The following PM20D2 variants were observed in gnomAD, a reference collection of about 807,000 sequenced individuals.
The protein encoded by PM20D2 is xaa-Arg dipeptidase.
In PM20D2, 33 loss-of-function variants were observed where a neutral mutation model predicts 42.9. The observed-to-expected ratio is 0.77, with a 90% confidence interval of 0.58 to 1.03. PM20D2 has a LOEUF of 1.03. PM20D2 is among the 50% of genes least tolerant of loss of function. The pLI, the probability that PM20D2 is intolerant of heterozygous loss-of-function variation, is 0.00. For synonymous variants in PM20D2, 250 were observed against 228.2 expected (o/e 1.10, Z -0.86); for missense variants, 548 against 557.0 (o/e 0.98, Z 0.16).
the PM20D2 span, among the ~76,000 whole-genome samples, chr6:89,116,541 G>A: frequency 6.6e-6 from 1 of 152,092 alleles, no homozygotes; most frequent in Non-Finnish European, 1.5e-5. Context: ...TTGGGAGGCC[G>A]AGCTGGGCGG....
the PM20D2 span, among the ~76,000 whole-genome samples, chr6:89,132,544 A>T: frequency 6.6e-6 from 1 of 151,380 alleles, no homozygotes; most frequent in Non-Finnish European, 1.5e-5. Flanking sequence ...ATTGGAACTA[A>T]GATCAAGAAA....
At chr6:89,120,731 A>T in the PM20D2 span, among the ~76,000 whole-genome samples, 4 of 152,080 alleles carry the variant, frequency 2.6e-5, no homozygotes, top group Admixed American at 2.0e-4. Context: ...AAATTAGCCA[A>T]CCATGGTGGC....
the PM20D2 span, among the ~76,000 whole-genome samples, chr6:89,124,099 G>A: frequency 2.6e-5 from 4 of 152,132 alleles, no homozygotes; most frequent in East Asian, 7.7e-4. Context: ...GTCTGCGCAG[G>A]CTCCAAGCCT....
chr6:89,131,456 G>T, the PM20D2 span, among the ~76,000 whole-genome samples: 2 of 84,940 alleles, frequency 2.4e-5, no homozygotes, highest in African/African-American at 6.4e-5. Context: ...GGGAGACTGA[G>T]GCGGGAAGAT....
At chr6:89,106,982 C>A in the PM20D2 span, 1 of 710,420 alleles carries the variant, frequency 1.4e-6, no homozygotes, top group Admixed American at 2.1e-5. Context: ...CAGGTTGGTT[C>A]AAACTGGGGG....
At chr6:89,159,774 G>A (rs1394212051) in intron 5 of PM20D2, among the ~76,000 whole-genome samples, 1 of 152,178 alleles carries the variant, frequency 6.6e-6, no homozygotes, top group Non-Finnish European at 1.5e-5. Flanking sequence ...GGGATTGAGA[G>A]AGAATTGCCA....
chr6:89,130,812 T>A, the PM20D2 span, among the ~76,000 whole-genome samples: 1 of 98,262 alleles, frequency 1.0e-5, no homozygotes, highest in African/African-American at 3.7e-5. Context: ...GTATCTGGCT[T>A]CTTCTTCTTT....
At chr6:89,148,225 C>A (rs1481832423) in intron 1 of PM20D2, among the ~76,000 whole-genome samples, 1 of 151,948 alleles carries the variant, frequency 6.6e-6, no homozygotes, top group Non-Finnish European at 1.5e-5. Context: ...GTGATTCGCC[C>A]ACCTCGGCCT....
At chr6:89,150,128 T>G (rs1770778281) in intron 2 of PM20D2, among the ~76,000 whole-genome samples, 1 of 152,234 alleles carries the variant, frequency 6.6e-6, no homozygotes, top group Non-Finnish European at 1.5e-5. Context: ...AGCTCGGTAC[T>G]GAGGGAATGA....
intron 4 of PM20D2, among the ~76,000 whole-genome samples, chr6:89,156,225 G>A (rs756684297): frequency 5.3e-5 from 8 of 152,150 alleles, no homozygotes; most frequent in Non-Finnish European, 1.0e-4. Context: ...TTAAAATCAT[G>A]TACTGTGTAA....
At chr6:89,121,084 C>T in the PM20D2 span, among the ~76,000 whole-genome samples, 1 of 151,802 alleles carries the variant, frequency 6.6e-6, no homozygotes. Flanking sequence ...GTAGGAGTAT[C>T]CAAAAATACT....
chr6:89,129,938 A>G, the PM20D2 span, among the ~76,000 whole-genome samples: 3 of 151,920 alleles, frequency 2.0e-5, no homozygotes, highest in Non-Finnish European at 4.4e-5. Context: ...GTCTCAATAT[A>G]TTACACAAGC....
At chr6:89,156,376 G>A (rs762248317) in intron 4 of PM20D2, among the ~76,000 whole-genome samples, 7 of 152,116 alleles carry the variant, frequency 4.6e-5, no homozygotes, top group Non-Finnish European at 8.8e-5. Flanking sequence ...AGTGTCTTTG[G>A]CTCTCCATTT....
intron 4 of PM20D2, among the ~76,000 whole-genome samples, chr6:89,156,468 TAG>T (rs1490236668): frequency 1.3e-5 from 2 of 152,240 alleles, no homozygotes; most frequent in Non-Finnish European, 2.9e-5. Flanking sequence ...CTGAAGGGTT[TAG>T]AGCCCAGCCT....
chr6:89,157,194 G>A (rs1771078748), intron 4 of PM20D2, among the ~76,000 whole-genome samples: 1 of 152,142 alleles, frequency 6.6e-6, no homozygotes, highest in Non-Finnish European at 1.5e-5. Flanking sequence ...GCCTCCCAAA[G>A]TTCTGGGATT....
the PM20D2 span, among the ~76,000 whole-genome samples, chr6:89,119,850 T>G: frequency 2.6e-5 from 4 of 152,224 alleles, no homozygotes; most frequent in Non-Finnish European, 4.4e-5. Context: ...GGAGTCTATG[T>G]TGCCTAGGCT....
the PM20D2 span, among the ~76,000 whole-genome samples, chr6:89,102,607 C>T: frequency 2.0e-5 from 3 of 151,664 alleles, no homozygotes; most frequent in South Asian, 2.1e-4. Context: ...AAAAGAAGGA[C>T]GCTATAATAT....
At chr6:89,110,881 C>G in the PM20D2 span, among the ~76,000 whole-genome samples, 1 of 151,968 alleles carries the variant, frequency 6.6e-6, no homozygotes. Flanking sequence ...TTTGGGAGGC[C>G]AAGGTGGGAG....
chr6:89,133,135 G>A, the PM20D2 span, among the ~76,000 whole-genome samples: 1 of 148,192 alleles, frequency 6.7e-6, no homozygotes, highest in Admixed American at 6.7e-5. Flanking sequence ...AGGCTGAGGT[G>A]GGAGGAACAC....
Sources: gnomAD v4.1 joint callset for allele counts (sites outside exome capture counted in the v4.1 genomes callset) on GRCh38, gnomAD v4.1.1 for gene constraint, MANE v1.5 for transcripts, NCBI Gene and HGNC (gene_info 2026-07-23, HGNC 2026-07-21) for gene names.